Variants in ARHGAP17 observed in about 807,000 individuals in gnomAD.
ARHGAP17 encodes Rho GTPase activating protein 17, also known as rho GTPase-activating protein 17.
Under a neutral mutation model 99.5 loss-of-function variants are expected in ARHGAP17, and 57 were observed. The ratio of observed to expected loss-of-function variants is 0.57; its 90% CI spans 0.46 to 0.71. The LOEUF (loss-of-function observed/expected upper bound fraction) is 0.71. Among genes scored for constraint, ARHGAP17 ranks in the 30% least tolerant of loss-of-function variants. The probability of loss-of-function intolerance (pLI) is 0.00; values close to 1 mark genes in which losing one functional copy is unlikely to be tolerated. For synonymous variants in ARHGAP17, 417 were observed against 429.6 expected, an observed-to-expected ratio of 0.97 and a Z score of 0.36; for missense variants, 1,000 against 1,122.4, an observed-to-expected ratio of 0.89 and a Z score of 1.56.
Position 24,928,914 on chromosome 16 carries a change from T to A in ARHGAP17, c.2515+1870A>T, listed in dbSNP as rs116381178. Reference sequence around the variant, plus strand: ...AGGGTATTTGGCGGAAGATTTTTTTTAATTTTTTGGTCTTGAGAATTTAAA... The same window carrying A: ...AGGGTATTTGGCGGAAGATTTTTTTAAATTTTTTGGTCTTGAGAATTTAAA... On this transcript the variant is annotated intron_variant, in intron 19 of 19. Coordinates refer to ENST00000289968, the MANE Select transcript of ARHGAP17 (RefSeq NM_001006634.3). 7.7e-3 allele frequency among the ~76,000 whole-genome samples: 1,174 copies of A among 152,302 alleles called. 19 individuals carry two copies. The highest frequency in any genetic ancestry group is 0.026 in the African/African-American group (1,095 of 41,556).
rs371104050 is a variant in ARHGAP17 at position 24,954,760 on chromosome 16, C to G, written c.725-30G>C. On this transcript the variant is annotated intron_variant, in intron 9 of 19. Transcript: ENST00000289968. ...AGCAGCAAATTGTTCAGTTAGACAC[C>G]CAACAAACTCACGGCATTACCAAGC... 6.2e-6 allele frequency: 10 copies of G among 1,610,128 alleles called. No homozygotes were observed. The South Asian group carries it at 1.0e-4, about 16-fold the overall frequency.
chr16:24,945,211 T>A (rs1008824406), intron 14 of ARHGAP17, among the ~76,000 whole-genome samples: 2 of 151,548 alleles, frequency 1.3e-5, no homozygotes, highest in African/African-American at 4.8e-5. Flanking sequence ...TATTCCCAGC[T>A]ACCGGAGAGG....
chr16:24,952,895 G>C (rs776905145), intron 11 of ARHGAP17, 36 bp downstream of exon 11: 1 of 1,593,896 alleles, frequency 6.3e-7, no homozygotes, highest in Non-Finnish European at 8.6e-7. Context: ...ACCGCCTTGA[G>C]GGTGACTTGA....
intron 19 of ARHGAP17, among the ~76,000 whole-genome samples, chr16:24,928,399 A>G (rs1337212978): frequency 6.6e-6 from 1 of 152,248 alleles, no homozygotes; most frequent in Non-Finnish European, 1.5e-5. Context: ...AATTTCACTT[A>G]TCTAATAATT....
At chr16:25,007,144 C>T (rs936894959) in intron 1 of ARHGAP17, among the ~76,000 whole-genome samples, 1 of 151,968 alleles carries the variant, frequency 6.6e-6, no homozygotes, top group Non-Finnish European at 1.5e-5. Context: ...GTCCCTTTTC[C>T]AAGATAAATA....
chr16:24,942,608 A>C (rs772992333), intron 15 of ARHGAP17, among the ~76,000 whole-genome samples: 1 of 151,912 alleles, frequency 6.6e-6, no homozygotes, highest in Non-Finnish European at 1.5e-5. Context: ...CTCTACTAAA[A>C]ATACAAAAAA....
intron 1 of ARHGAP17, among the ~76,000 whole-genome samples, chr16:24,997,850 T>G (rs2053241876): frequency 6.6e-6 from 1 of 152,182 alleles, no homozygotes; most frequent in Admixed American, 6.5e-5. Flanking sequence ...TGAAGGGACC[T>G]GTTGAACATT....
intron 12 of ARHGAP17, among the ~76,000 whole-genome samples, chr16:24,952,037 G>A (rs556440053): frequency 1.1e-4 from 16 of 152,050 alleles, no homozygotes; most frequent in Non-Finnish European, 2.4e-4. Context: ...CCATTAATGT[G>A]GGTACCACTC....
intron 14 of ARHGAP17, 62 bp from the exon 15 acceptor site, chr16:24,943,924 T>C: frequency 7.2e-7 from 1 of 1,387,238 alleles, no homozygotes. Flanking sequence ...TTCTTCTGGT[T>C]GTGTCAGGGC....
chr16:24,977,993 C>T (rs1397782995), intron 2 of ARHGAP17, among the ~76,000 whole-genome samples: 4 of 152,130 alleles, frequency 2.6e-5, no homozygotes, highest in Non-Finnish European at 5.9e-5. Flanking sequence ...TTTTACGCAT[C>T]GAGATGGTCT....
intron 12 of ARHGAP17, among the ~76,000 whole-genome samples, chr16:24,951,359 T>TTA (rs2051639839): frequency 6.6e-6 from 1 of 152,202 alleles, no homozygotes; most frequent in Admixed American, 6.5e-5. Flanking sequence ...TTTATAACGT[T>TTA]AATTAAAGAT....
intron 7 of ARHGAP17, among the ~76,000 whole-genome samples, chr16:24,961,911 T>A (rs1192569235): frequency 7.7e-6 from 1 of 130,028 alleles, no homozygotes. Flanking sequence ...CATAGGAATT[T>A]TATATATATA....
chr16:24,996,065 T>C (rs2053183620), intron 1 of ARHGAP17, among the ~76,000 whole-genome samples: 1 of 152,202 alleles, frequency 6.6e-6, no homozygotes, highest in Non-Finnish European at 1.5e-5. Context: ...GGTTTTTAAC[T>C]TCTAAGACTT....
chr16:25,015,134 AG>A, intron 1 of ARHGAP17, 74 bp downstream of exon 1: 3 of 1,186,592 alleles, frequency 2.5e-6, no homozygotes, highest in Non-Finnish European at 3.1e-6. Context: ...ACCGCGGAGG[AG>A]CCGTCCCGCC....
At chr16:24,924,413 A>G (rs1191203381) in intron 19 of ARHGAP17, among the ~76,000 whole-genome samples, 1 of 150,452 alleles carries the variant, frequency 6.6e-6, no homozygotes, top group Admixed American at 6.7e-5. Flanking sequence ...CAGACAAAAA[A>G]GAAACCTTTT....
At position 25,015,270 on chromosome 16, in the gene ARHGAP17, T is replaced by TGGCGGC. The variant is rs1567279147; in HGVS notation, c.-15_-10dup. 5 of 1,338,608 alleles carry TGGCGGC rather than the reference T, an allele frequency of 3.7e-6. No homozygotes were observed. The Admixed American group carries it at 9.1e-5, about 24-fold the overall frequency. 82.9% of individuals were successfully genotyped at this position (1,338,608 alleles called of 1,614,324 possible). ...TTGAACTGCTTCTTCATGGCGGCGG[T>TGGCGGC]GGCGGCGGCGGCCCGCGGGGCTCGG... On this transcript the variant is annotated 5_prime_UTR_variant, in exon 1 of 20. Coordinates refer to ENST00000289968, the MANE Select transcript of ARHGAP17 (RefSeq NM_001006634.3).
intron 1 of ARHGAP17, among the ~76,000 whole-genome samples, chr16:24,997,575 C>T (rs977967068): frequency 5.9e-5 from 9 of 152,002 alleles, no homozygotes; most frequent in African/African-American, 2.2e-4. Flanking sequence ...CTGAAGAGTC[C>T]CCAAAACACG....
chr16:24,943,150 A>G (rs1299729056), intron 15 of ARHGAP17, among the ~76,000 whole-genome samples: 1 of 152,234 alleles, frequency 6.6e-6, no homozygotes, highest in African/African-American at 2.4e-5. Context: ...TGTGGATCCC[A>G]GAACTGCAAC....
chr16:24,938,462 G>A (rs2051204797), intron 17 of ARHGAP17, among the ~76,000 whole-genome samples: 1 of 151,988 alleles, frequency 6.6e-6, no homozygotes, highest in South Asian at 2.1e-4. Context: ...AACTAAAAGA[G>A]CCTTTTAAGA....
Sources: allele counts gnomAD v4.1 joint callset (sites outside exome capture counted in the v4.1 genomes callset), GRCh38; gene constraint gnomAD v4.1.1; transcripts MANE v1.5; gene names NCBI Gene and HGNC (gene_info 2026-07-23, HGNC 2026-07-21).